STRBP: variants seen among roughly 807,000 people sequenced by gnomAD.
The protein encoded by STRBP is spermatid perinuclear RNA binding protein.
Under a neutral mutation model 80.1 loss-of-function variants are expected in STRBP, and 13 were observed. The ratio of observed to expected loss-of-function variants is 0.16; its 90% confidence interval spans 0.11 to 0.26. The LOEUF is 0.26. STRBP is among the 10% of genes least tolerant of loss of function. The pLI, the probability that STRBP is intolerant of heterozygous loss-of-function variation, is 1.00. For synonymous variants in STRBP, 284 were observed against 291.2 expected, an observed-to-expected ratio of 0.98 and a Z score of 0.25; for missense variants, 485 against 815.2, an observed-to-expected ratio of 0.59 and a Z score of 4.93.
intron 2 of STRBP, among the ~76,000 whole-genome samples, chr9:123,236,619 A>G (rs1287250550): frequency 2.6e-5 from 4 of 151,962 alleles, no homozygotes; most frequent in Non-Finnish European, 5.9e-5. Flanking sequence ...ATACAAGAGT[A>G]GTGACCACAG....
At chr9:123,151,705 C>T (rs1234125185) in intron 11 of STRBP, among the ~76,000 whole-genome samples, 1 of 151,874 alleles carries the variant, frequency 6.6e-6, no homozygotes, top group Non-Finnish European at 1.5e-5. Flanking sequence ...GGAAATTTAC[C>T]ATCTTAATAG....
chr9:123,157,332 C>T (rs1044638976), intron 11 of STRBP, among the ~76,000 whole-genome samples: 2 of 152,160 alleles, frequency 1.3e-5, no homozygotes, highest in Non-Finnish European at 2.9e-5. Context: ...CCTAGCTTAT[C>T]GCTGATTTCT....
At chr9:123,223,197 C>T (rs2040127625) in intron 2 of STRBP, among the ~76,000 whole-genome samples, 1 of 151,960 alleles carries the variant, frequency 6.6e-6, no homozygotes, top group African/African-American at 2.4e-5. Flanking sequence ...TCAATAGTTG[C>T]CAAGATTTCT....
Position 123,135,909 on chromosome 9 carries a change from A to C in STRBP, c.1773+132T>G, listed in dbSNP as rs532434224. 2.6e-5 allele frequency: 32 copies of C among 1,217,692 alleles called. No individual in the cohort carries two copies. In the African/African-American group the frequency reaches 4.4e-4, roughly 17 times the overall value. 75.4% of individuals were successfully genotyped at this position (1,217,692 alleles called of 1,614,324 possible). ...TTTATATTATTCGTGACCTAACCCA[A>C]AGCAAAGGTCACCAAGTCCAAGAAA... On this transcript the variant is annotated intron_variant, in intron 16 of 18. Transcript: ENST00000348403.
intron 2 of STRBP, among the ~76,000 whole-genome samples, chr9:123,193,798 CCTT>C (rs2039004882): frequency 6.6e-6 from 1 of 152,152 alleles, no homozygotes; most frequent in South Asian, 2.1e-4. Context: ...GCTTCTCTTT[CCTT>C]CTCCTAGCAA....
chr9:123,177,722 A>T (rs1038575080), intron 4 of STRBP, among the ~76,000 whole-genome samples: 9 of 152,230 alleles, frequency 5.9e-5, no homozygotes, highest in Non-Finnish European at 1.3e-4. Context: ...AAATTAGAAA[A>T]TGTATTAAAA....
chr9:123,201,036 T>A (rs1242799443), intron 2 of STRBP, among the ~76,000 whole-genome samples: 1 of 152,238 alleles, frequency 6.6e-6, no homozygotes, highest in East Asian at 1.9e-4. Flanking sequence ...GTGTTAATAG[T>A]AGTCTGGAAT....
Position 123,121,948 on chromosome 9 carries a change from T to TAC in STRBP, c.*3647_*3648dup, listed in dbSNP as rs55960341. 0.027 allele frequency: 4,226 copies of TAC among 154,518 alleles called. 173 individuals are homozygous for TAC. The highest frequency in any genetic ancestry group is 0.09 in the African/African-American group (3,718 of 41,200). The allele number at this position is 154,518 out of a possible 1,614,324, so 9.6% of individuals were successfully genotyped here. On this transcript the variant is annotated 3_prime_UTR_variant, in exon 19 of 19. Coordinates refer to ENST00000348403, the MANE Select transcript of STRBP (RefSeq NM_018387.5). ...ACATACGTGTTATATCCTAAGTTTC[T>TAC]ACACACACACACACACACACACACA...
At chr9:123,109,656 A>G (rs1483901646) in exon 4 of STRBP, 1 of 152,268 alleles carries the variant, frequency 6.6e-6, no homozygotes, top group Non-Finnish European at 1.5e-5. Flanking sequence ...TGCTGCCTGG[A>G]GGACTTGTGG....
rs527472056 is a variant in STRBP, at chr9:123,262,031, C to T, written c.-302+6405G>A. Reference sequence around the variant, plus strand: ...CAACCACTTATTTATTAGATCACTACCTAGCTGTCTTAAATTGTACTTATT... The same window carrying T: ...CAACCACTTATTTATTAGATCACTATCTAGCTGTCTTAAATTGTACTTATT... On this transcript the variant is annotated intron_variant, in intron 1 of 18. Transcript: ENST00000348403. Among the ~76,000 whole-genome samples, 4 of 152,282 alleles carry T rather than the reference C, an allele frequency of 2.6e-5. No homozygotes were observed. In the East Asian group the frequency reaches 5.8e-4, roughly 22 times the overall value.
intron 2 of STRBP, among the ~76,000 whole-genome samples, chr9:123,216,466 G>A (rs1588116073): frequency 6.6e-6 from 1 of 152,320 alleles, no homozygotes; most frequent in African/African-American, 2.4e-5. Flanking sequence ...TATAGTTGGA[G>A]CACAGCTAGG....
intron 17 of STRBP, among the ~76,000 whole-genome samples, chr9:123,128,474 C>T (rs188973800): frequency 1.3e-5 from 2 of 152,282 alleles, no homozygotes; most frequent in Admixed American, 1.3e-4. Context: ...CAAGGCTCTC[C>T]TAGATGTGCC....
chr9:123,185,745 G>A (rs1298277875), intron 2 of STRBP, among the ~76,000 whole-genome samples: 2 of 152,094 alleles, frequency 1.3e-5, no homozygotes, highest in Non-Finnish European at 2.9e-5. Flanking sequence ...AAAAACGATT[G>A]CTATGTGTTC....
At chr9:123,186,366 T>C (rs747947260) in intron 2 of STRBP, among the ~76,000 whole-genome samples, 37 of 152,148 alleles carry the variant, frequency 2.4e-4, no homozygotes, top group Admixed American at 1.2e-3. Context: ...TTGAATAGAT[T>C]GAAGGCAGAA....
chr9:123,187,755 CACCCACCACA>C, intron 2 of STRBP, among the ~76,000 whole-genome samples: 1 of 107,412 alleles, frequency 9.3e-6, no homozygotes, highest in Non-Finnish European at 2.0e-5. Context: ...TTCTCCCCAC[CACCCACCACA>C]CACCACCCAC....
intron 2 of STRBP, among the ~76,000 whole-genome samples, chr9:123,185,099 T>TA (rs568065774): frequency 0.016 from 2,267 of 145,724 alleles, 54 homozygotes; most frequent in East Asian, 0.077. Flanking sequence ...AGAAAAAAAT[T>TA]AAAAAAAAAA....
rs559256864 is a variant in STRBP at position 123,248,294 on chromosome 9, G to A, written c.-301-11328C>T. ...TTTTTTTTTTTTTTTTTGAGATGGA[G>A]TCTCACCCTATTGCCCAGGCTAGAG... On this transcript the variant is annotated intron_variant, in intron 1 of 18. Transcript: ENST00000348403. Among the ~76,000 whole-genome samples the A allele has an allele frequency of 4.1e-4, 52 of 125,598 alleles. 2 individuals carry two copies. The South Asian group carries it at 0.013, about 30-fold the overall frequency. The allele number at this position is 125,598 out of a possible 152,430, so 82.4% of individuals were successfully genotyped here. A position where few individuals can be genotyped will look rare whatever the true frequency, so the allele number is the denominator to read the frequency against.
At chr9:123,217,397 T>C (rs1402362176) in intron 2 of STRBP, among the ~76,000 whole-genome samples, 1 of 152,138 alleles carries the variant, frequency 6.6e-6, no homozygotes, top group Non-Finnish European at 1.5e-5. Context: ...TGCCAATTTA[T>C]AAGAAACACA....
intron 1 of STRBP, among the ~76,000 whole-genome samples, chr9:123,265,876 C>T (rs751638837): frequency 2.6e-5 from 4 of 152,208 alleles, no homozygotes; most frequent in Non-Finnish European, 5.9e-5. Flanking sequence ...CAGTTATTCA[C>T]GCCTTGAAAG....
Sources: allele counts gnomAD v4.1 joint callset (sites outside exome capture counted in the v4.1 genomes callset), GRCh38; gene constraint gnomAD v4.1.1; transcripts MANE v1.5; gene names NCBI Gene and HGNC (gene_info 2026-07-23, HGNC 2026-07-21).